The following ATAD3C variants were observed in gnomAD, a reference collection of about 807,000 sequenced individuals.
The protein encoded by ATAD3C is ATPase family AAA domain-containing protein 3C.
Under a neutral mutation model 46.3 loss-of-function variants are expected in ATAD3C, and 38 were observed. The ratio of observed to expected loss-of-function variants is 0.82; its 90% CI spans 0.63 to 1.08. ATAD3C has a LOEUF of 1.08. ATAD3C is among the 50% of genes least tolerant of loss of function. The pLI is 0.00. For synonymous variants in ATAD3C, 220 were observed against 236.4 expected (o/e 0.93, Z 0.63); for missense variants, 563 against 572.7 (o/e 0.98, Z 0.17).
At chr1:1,455,578 G>C in intron 5 of ATAD3C, 59 bp downstream of exon 5, 1 of 1,609,044 alleles carries the variant, frequency 6.2e-7, no homozygotes, top group African/African-American at 1.3e-5. Flanking sequence ...AGCTGGGCTG[G>C]GCTGTGGCCC....
intron 11 of ATAD3C, among the ~76,000 whole-genome samples, chr1:1,467,852 C>G (rs1299383729): frequency 6.6e-6 from 1 of 152,190 alleles, no homozygotes; most frequent in East Asian, 1.9e-4. Flanking sequence ...CCAAGGGCCA[C>G]AGCCCCAGCA....
rs2100495196 is a variant in ATAD3C at position 1,469,024 on chromosome 1, G to A, written c.*494G>A. The A allele has an allele frequency of 6.6e-6, 1 of 151,764 alleles. No individual in the cohort carries two copies. The highest frequency in any genetic ancestry group is 7.0e-5 in the Admixed American group (1 of 14,224). 9.4% of individuals were successfully genotyped at this position (151,764 alleles called of 1,614,324 possible). A position where few individuals can be genotyped will look rare whatever the true frequency, so the allele number is the denominator to read the frequency against. On this transcript the variant is annotated 3_prime_UTR_variant, in exon 12 of 12. Transcript: ENST00000378785. ...TGGCTCACGCCTGGAATCTCAGCGA[G>A]GCCAAGGAGAGTGGATCACCTGAGG...
chr1:1,450,353 G>A lies in ATAD3C; in HGVS notation c.-331G>A, dbSNP rs1368670356. 6 of 247,676 alleles carry A rather than the reference G, an allele frequency of 2.4e-5. No individual in the cohort carries two copies. The highest frequency in any genetic ancestry group is 9.8e-5 in the Admixed American group (2 of 20,374). The allele number at this position is 247,676 out of a possible 1,614,324, so 15.3% of individuals were successfully genotyped here. ...AAAAAAAAAAAAAAGCATGTGTAAC[G>A]TGAAAAAATGGACACTTTAGCCATC... On this transcript the variant is annotated 5_prime_UTR_variant, in exon 1 of 12. The change creates a new upstream start codon in the 5' untranslated region. Transcript: ENST00000378785.
rs931191854 is a variant in ATAD3C at position 1,449,708 on chromosome 1, A to C, written c.-976A>C. 1 of 151,956 alleles carries C rather than the reference A, an allele frequency of 6.6e-6. No individual in the cohort carries two copies. The highest frequency in any genetic ancestry group is 1.5e-5 in the Non-Finnish European group (1 of 67,940). The allele number at this position is 151,956 out of a possible 1,614,324, so 9.4% of individuals were successfully genotyped here. A position where few individuals can be genotyped will look rare whatever the true frequency, so the allele number is the denominator to read the frequency against. ...AATCCCCTTCATGATTAACTCCCCA[A>C]GGTCCTGCATATTTTCTCAATGGGC... On this transcript the variant is annotated 5_prime_UTR_variant, in exon 1 of 12. Transcript: ENST00000378785.
chr1:1,452,518 C>T, intron 3 of ATAD3C, 84 bp downstream of exon 3: 1 of 1,600,018 alleles, frequency 6.2e-7, no homozygotes, highest in East Asian at 2.2e-5. Context: ...CCTATCCCTG[C>T]TGGCTCTGCA....
In ATAD3C at chr1:1,452,033, G is replaced by T. The variant is rs765747210; in HGVS notation, c.76-13G>T. 1 of 1,613,256 alleles carries T rather than the reference G, an allele frequency of 6.2e-7. No homozygotes were observed. Among genetic ancestry groups the T allele is most frequent in the Non-Finnish European group, 8.5e-7 (1 of 1,179,458 alleles). ...TTTAAAGGCTTTTCTCTTTTTCTGC[G>T]GCTTCTTCTCAGCAACTTGTCAATG... On this transcript the variant is annotated splice_polypyrimidine_tract_variant and intron_variant, in intron 1 of 11. Transcript: ENST00000378785.
At chr1:1,453,283 A>G (rs1367670338) in intron 3 of ATAD3C, among the ~76,000 whole-genome samples, 1 of 152,046 alleles carries the variant, frequency 6.6e-6, no homozygotes, top group Non-Finnish European at 1.5e-5. Flanking sequence ...GCTCACTGCA[A>G]CCTGCGCCTC....
At position 1,459,028 on chromosome 1, in the gene ATAD3C, C is replaced by T; in HGVS notation, c.742-133C>T. On this transcript the variant is annotated intron_variant, in intron 8 of 11. Transcript: ENST00000378785. The surrounding 1 kb of genome is among the most constrained non-coding windows in gnomAD (Gnocchi z 4.9). ...GTCACCGCCCCTGGCCCTGGTCAGG[C>T]TTTTGAGTCTAGATCCGTGAAAGTG... 1.3e-6 allele frequency: 2 copies of T among 1,527,250 alleles called. No individual in the cohort carries two copies. Among genetic ancestry groups the T allele is most frequent in the Non-Finnish European group, 1.8e-6 (2 of 1,135,818 alleles). The allele number at this position is 1,527,250 out of a possible 1,614,324, so 94.6% of individuals were successfully genotyped here.
intron 11 of ATAD3C, among the ~76,000 whole-genome samples, chr1:1,466,011 G>A (rs1339742952): frequency 6.6e-6 from 1 of 151,868 alleles, no homozygotes; most frequent in Non-Finnish European, 1.5e-5. Flanking sequence ...AAAAGTGTGA[G>A]GTGGGTGGAT....
intron 3 of ATAD3C, among the ~76,000 whole-genome samples, chr1:1,453,670 C>T (rs1638901878): frequency 7.1e-6 from 1 of 141,574 alleles, no homozygotes; most frequent in South Asian, 2.2e-4. Flanking sequence ...ATGGAGTTTC[C>T]CTGTTGTTGC....
In ATAD3C at chr1:1,460,916, C is replaced by T. The variant is rs202189170; in HGVS notation, c.979C>T (p.Arg327Trp). ...TCTTAAGCCGGCCACAGAAGGAAAG[C>T]GGTAAGTGTCCCGCCCCACCAGCCC... Reference protein sequence around the residue: ...YVLKPATEGKRRLKLAQFDYG... With the variant: ...YVLKPATEGKWRLKLAQFDYG... The change falls in exon 10 of 12, where the codon CGG becomes TGG. Residue 327 changes from arginine (R) to tryptophan (W), a missense_variant and splice_region_variant. By Grantham distance (101) the Arg-to-Trp change is moderately radical. Transcript: ENST00000378785. The T allele has an allele frequency of 5.3e-5, 85 of 1,604,230 alleles. 1 individual carries two copies. The African/African-American group carries it at 5.5e-4, about 10-fold the overall frequency.
chr1:1,452,273 G>T, intron 2 of ATAD3C, 92 bp from the exon 3 acceptor site: 1 of 1,600,488 alleles, frequency 6.2e-7, no homozygotes, highest in Non-Finnish European at 8.5e-7. Context: ...GCAGGACCAG[G>T]CTGCTGTGTC....
At chr1:1,464,362 C>T (rs1639115171) in intron 11 of ATAD3C, among the ~76,000 whole-genome samples, 1 of 151,882 alleles carries the variant, frequency 6.6e-6, no homozygotes, top group South Asian at 2.1e-4. Context: ...CCTCATGTGG[C>T]AGAGAGAGCA....
rs755794713 is a variant in ATAD3C, at chr1:1,455,926, C to G, written c.564+10C>G. On this transcript the variant is annotated intron_variant, in intron 6 of 11. Coordinates refer to ENST00000378785, the MANE Select transcript of ATAD3C (RefSeq NM_001039211.3). Reference sequence around the variant, plus strand: ...GACGCTGTTTGCCAAGGTGAGAGTGCCTAGCTGAACAGGTGGGCCAGGGGC... The same window carrying G: ...GACGCTGTTTGCCAAGGTGAGAGTGGCTAGCTGAACAGGTGGGCCAGGGGC... 1.4e-5 allele frequency: 22 copies of G among 1,612,614 alleles called. 1 individual carries two copies. The highest frequency in any genetic ancestry group is 1.5e-5 in the Non-Finnish European group (18 of 1,179,630).
At chr1:1,457,225 G>T (rs772802598) in intron 8 of ATAD3C, 45 bp downstream of exon 8, 8 of 1,612,520 alleles carry the variant, frequency 5.0e-6, no homozygotes, top group Non-Finnish European at 5.9e-6. Flanking sequence ...GGGTGGTGGG[G>T]TGTGTGCGGC....
intron 4 of ATAD3C, among the ~76,000 whole-genome samples, chr1:1,455,192 G>A (rs1381507052): frequency 7.4e-6 from 1 of 134,296 alleles, no homozygotes; most frequent in Non-Finnish European, 1.5e-5. Flanking sequence ...ACTCCAGCCT[G>A]GGCGACAGAG....
In ATAD3C at chr1:1,461,832, C is replaced by T. The variant is rs750080853; in HGVS notation, c.981-768C>T. Among the ~76,000 whole-genome samples, 57 of 152,104 alleles carry T rather than the reference C, an allele frequency of 3.7e-4. 2 individuals are homozygous for T. The highest frequency in any genetic ancestry group is 1.2e-4 in the Non-Finnish European group (8 of 67,980). On this transcript the variant is annotated intron_variant, in intron 10 of 11. Coordinates refer to ENST00000378785, the MANE Select transcript of ATAD3C (RefSeq NM_001039211.3). ...CTGGCCTCCCTGCAGCTGCCACACC[C>T]GGCCCTGGAGCCTCGTGGTGTGGGG...
rs377696364 is a variant in ATAD3C at position 1,468,403 on chromosome 1, A to T, written c.1109A>T (p.Lys370Met). ...VSWQATAYAS[K>M]DGVLTEAMMD... ...CACTAGGCCACGGCGTATGCCTCCA[A>T]GGACGGGGTCCTGACCGAGGCCATG... Residue 370 changes from lysine to methionine, a missense_variant, in exon 12 of 12, where the codon AAG becomes ATG. Lys to Met is a moderately conservative substitution (Grantham distance 95). This residue lies in a region of ATAD3C where 273 missense variants were observed against 253.5 expected (regional missense o/e 1.08). Transcript: ENST00000378785. 5.6e-6 allele frequency: 9 copies of T among 1,611,864 alleles called. 2 individuals are homozygous for T. The highest frequency in any genetic ancestry group is 7.6e-6 in the Non-Finnish European group (9 of 1,179,116).
rs1217993122 is a variant in ATAD3C at position 1,468,548 on chromosome 1, A to T, written c.*18A>T. 1 of 1,592,808 alleles carries T rather than the reference A, an allele frequency of 6.3e-7. No homozygotes were observed. The highest frequency in any genetic ancestry group is 8.6e-7 in the Non-Finnish European group (1 of 1,168,894). On this transcript the variant is annotated 3_prime_UTR_variant, in exon 12 of 12. Transcript: ENST00000378785. ...CATCCTGAGTCCATGGGGAGACCAC[A>T]CCTCACGGAGCCTGGCCGCGGACCC...
Sources: allele counts gnomAD v4.1 joint callset (sites outside exome capture counted in the v4.1 genomes callset), GRCh38; gene constraint gnomAD v4.1.1; regional missense constraint gnomAD v4.1.1; non-coding constraint Gnocchi (gnomAD v3.1); transcripts MANE v1.5; gene names NCBI Gene and HGNC (gene_info 2026-07-23, HGNC 2026-07-21).